RABGAP1L: variants seen among roughly 807,000 people sequenced by gnomAD.
RABGAP1L encodes the protein rab GTPase-activating protein 1-like.
Under a neutral mutation model 137.7 loss-of-function variants are expected in RABGAP1L, and 63 were observed. That is an observed-to-expected ratio of 0.46 (90% CI 0.37 to 0.56). The LOEUF (loss-of-function observed/expected upper bound fraction) is 0.56. RABGAP1L is among the 20% of genes least tolerant of loss of function. The probability of loss-of-function intolerance (pLI) is 0.00; values close to 1 mark genes in which losing one functional copy is unlikely to be tolerated. For synonymous variants in RABGAP1L, 431 were observed against 433.7 expected, an observed-to-expected ratio of 0.99 and a Z score of 0.08; for missense variants, 1,095 against 1,244.0, an observed-to-expected ratio of 0.88 and a Z score of 1.80.
At chr1:174,679,135 C>A (rs576788665) in intron 14 of RABGAP1L, among the ~76,000 whole-genome samples, 1 of 152,156 alleles carries the variant, frequency 6.6e-6, no homozygotes, top group African/African-American at 2.4e-5. Flanking sequence ...TTCTCTCAGG[C>A]GATAGATGAT....
chr1:174,626,487 G>A (rs1420158908), intron 13 of RABGAP1L, among the ~76,000 whole-genome samples: 1 of 152,146 alleles, frequency 6.6e-6, no homozygotes, highest in Non-Finnish European at 1.5e-5. Flanking sequence ...TTTCCCTGAA[G>A]AGATTTATTT....
At chr1:174,299,154 C>T (rs987618873) in intron 10 of RABGAP1L, among the ~76,000 whole-genome samples, 3 of 152,228 alleles carry the variant, frequency 2.0e-5, no homozygotes, top group African/African-American at 7.2e-5. Flanking sequence ...ATTATTTCTA[C>T]ATAGGCCTTT....
intron 17 of RABGAP1L, among the ~76,000 whole-genome samples, chr1:174,751,872 C>T (rs1357297253): frequency 6.6e-6 from 1 of 151,950 alleles, no homozygotes; most frequent in Non-Finnish European, 1.5e-5. Context: ...ACAATCTGTC[C>T]CACTTATCAG....
intron 20 of RABGAP1L, 47 bp from the exon 21 acceptor site, chr1:174,969,230 G>A: frequency 7.2e-7 from 1 of 1,394,582 alleles, no homozygotes. Context: ...GTTCGTTTCT[G>A]TATGTCCAGA....
intron 18 of RABGAP1L, chr1:174,799,753 C>A: frequency 2.6e-6 from 2 of 772,764 alleles, no homozygotes; most frequent in Non-Finnish European, 3.1e-6. Flanking sequence ...TGATTCACAG[C>A]GAGAGGCAGC....
intron 13 of RABGAP1L, among the ~76,000 whole-genome samples, chr1:174,618,394 G>T (rs1672110438): frequency 6.6e-6 from 1 of 152,226 alleles, no homozygotes; most frequent in African/African-American, 2.4e-5. Flanking sequence ...GCACCCTGCA[G>T]TAGGGGCAGA....
intron 14 of RABGAP1L, among the ~76,000 whole-genome samples, chr1:174,668,217 C>T (rs1426982061): frequency 6.6e-6 from 1 of 152,166 alleles, no homozygotes; most frequent in African/African-American, 2.4e-5. Flanking sequence ...TTCCACCTAT[C>T]TAACTATAAT....
intron 7 of RABGAP1L, among the ~76,000 whole-genome samples, chr1:174,269,326 A>C (rs770662695): frequency 2.0e-5 from 3 of 152,234 alleles, no homozygotes; most frequent in Non-Finnish European, 4.4e-5. Flanking sequence ...GAAATGTGGA[A>C]AGTGAGACTT....
At chr1:174,560,613 T>C (rs780690002) in intron 13 of RABGAP1L, among the ~76,000 whole-genome samples, 3 of 152,204 alleles carry the variant, frequency 2.0e-5, no homozygotes, top group Non-Finnish European at 4.4e-5. Flanking sequence ...GATTGTTACA[T>C]GAGTAAATTG....
chr1:174,448,834 A>G lies in RABGAP1L; in HGVS notation c.1710+54689A>G. ...ACACCAAAGAGATAAATGACCGAAG[A>G]GCCCGATTCCCTAGTCATGAGGTAG... On this transcript the variant is annotated intron_variant, in intron 13 of 25. Coordinates refer to ENST00000681986, the MANE Select transcript of RABGAP1L (RefSeq NM_001366446.1). The surrounding 1 kb of genome is among the most constrained non-coding windows in gnomAD (Gnocchi z 4.2). 6.2e-7 allele frequency: 1 copy of G among 1,614,158 alleles called. No individual in the cohort carries two copies.
intron 13 of RABGAP1L, among the ~76,000 whole-genome samples, chr1:174,588,669 TG>T (rs1030060944): frequency 4.7e-4 from 71 of 152,314 alleles, no homozygotes; most frequent in African/African-American, 1.7e-3. Flanking sequence ...TTAATTGTTT[TG>T]TTTTTTTAGC....
chr1:174,231,589 G>T (rs993011182), intron 4 of RABGAP1L, among the ~76,000 whole-genome samples: 1 of 152,218 alleles, frequency 6.6e-6, no homozygotes, highest in African/African-American at 2.4e-5. Flanking sequence ...TTGATAAAGA[G>T]AAGAGGTTTA....
At chr1:174,566,738 A>T (rs909007508) in intron 13 of RABGAP1L, among the ~76,000 whole-genome samples, 4 of 152,176 alleles carry the variant, frequency 2.6e-5, no homozygotes, top group African/African-American at 9.7e-5. Context: ...ATTTATGTGC[A>T]AGAGTTTTTT....
At chr1:174,608,630 A>C (rs1262781774) in intron 13 of RABGAP1L, among the ~76,000 whole-genome samples, 1 of 152,156 alleles carries the variant, frequency 6.6e-6, no homozygotes, top group Non-Finnish European at 1.5e-5. Flanking sequence ...AGCTTAAAGA[A>C]AAGCACAACT....
intron 13 of RABGAP1L, among the ~76,000 whole-genome samples, chr1:174,426,735 T>C (rs1212750968): frequency 3.3e-5 from 5 of 152,152 alleles, no homozygotes; most frequent in Non-Finnish European, 7.4e-5. Context: ...TTTACCATCT[T>C]ATTAGTACAT....
intron 15 of RABGAP1L, among the ~76,000 whole-genome samples, chr1:174,698,491 G>T (rs1220851999): frequency 6.6e-6 from 1 of 152,018 alleles, no homozygotes; most frequent in East Asian, 1.9e-4. Context: ...TTTTCACCCA[G>T]CATTCCCCCT....
chr1:174,991,460 A>T lies in RABGAP1L; in HGVS notation c.*1459A>T, dbSNP rs752535737. The T allele has an allele frequency of 2.0e-4, 30 of 152,220 alleles. No homozygotes were observed. The highest frequency in any genetic ancestry group is 3.5e-4 in the Non-Finnish European group (24 of 68,034). The allele number at this position is 152,220 out of a possible 1,614,324, so 9.4% of individuals were successfully genotyped here. A position where few individuals can be genotyped will look rare whatever the true frequency, so the allele number is the denominator to read the frequency against. Reference sequence around the variant, plus strand: ...TTAAAAGTAACACACCCTTAGAAGAATCAAATAAGAGCCATCTACATCCCA... The same window carrying T: ...TTAAAAGTAACACACCCTTAGAAGATTCAAATAAGAGCCATCTACATCCCA... On this transcript the variant is annotated 3_prime_UTR_variant, in exon 26 of 26. Transcript: ENST00000681986.
At chr1:174,229,898 TC>T (rs1367793503) in intron 3 of RABGAP1L, among the ~76,000 whole-genome samples, 1 of 152,124 alleles carries the variant, frequency 6.6e-6, no homozygotes, top group East Asian at 1.9e-4. Flanking sequence ...GTAAAAGTGT[TC>T]CTATTTCTCC....
At chr1:174,775,830 C>G (rs951899989) in intron 18 of RABGAP1L, among the ~76,000 whole-genome samples, 3 of 152,200 alleles carry the variant, frequency 2.0e-5, no homozygotes, top group African/African-American at 7.2e-5. Context: ...CCTCACAGTT[C>G]ACTAATGTGT....
Sources: allele counts gnomAD v4.1 joint callset (sites outside exome capture counted in the v4.1 genomes callset), GRCh38; gene constraint gnomAD v4.1.1; non-coding constraint Gnocchi (gnomAD v3.1); transcripts MANE v1.5; gene names NCBI Gene and HGNC (gene_info 2026-07-23, HGNC 2026-07-21).